The following DNAI1 variants were observed in gnomAD, a reference collection of about 807,000 sequenced individuals.
The protein encoded by DNAI1 is dynein, axonemal, intermediate polypeptide 1.
Under a neutral mutation model 92.0 loss-of-function variants are expected in DNAI1, and 67 were observed. That is an observed-to-expected ratio of 0.73 (90% CI 0.60 to 0.89). The LOEUF is 0.89. DNAI1 is among the 40% of genes least tolerant of loss of function. The pLI, the probability that DNAI1 is intolerant of heterozygous loss-of-function variation, is 0.00. For missense variants in DNAI1, 839 were observed against 866.6 expected (o/e 0.97, Z 0.40); for synonymous variants, 323 against 319.6 (o/e 1.01, Z -0.11).
chr9:34,518,550 C>T (rs72735258), intron 19 of DNAI1, among the ~76,000 whole-genome samples: 9,367 of 152,270 alleles, frequency 0.062, 384 homozygotes, highest in South Asian at 0.095. Context: ...GGGAGGGAGT[C>T]GGGCGTGGTC....
chr9:34,518,215 A>T (rs1439458107), intron 19 of DNAI1, among the ~76,000 whole-genome samples: 37 of 152,210 alleles, frequency 2.4e-4, no homozygotes. Flanking sequence ...CTGGGCCAGG[A>T]TCAGGACTGG....
At chr9:34,499,829 C>G (rs901212470) in intron 10 of DNAI1, among the ~76,000 whole-genome samples, 2 of 152,124 alleles carry the variant, frequency 1.3e-5, no homozygotes, top group African/African-American at 4.8e-5. Flanking sequence ...TGGATCTCCT[C>G]TTGGTTTAAT....
At chr9:34,512,784 C>G (rs190178983) in intron 15 of DNAI1, among the ~76,000 whole-genome samples, 1 of 152,202 alleles carries the variant, frequency 6.6e-6, no homozygotes, top group East Asian at 1.9e-4. Flanking sequence ...TGGCACAGAC[C>G]GTGTCCCTGT....
chr9:34,482,792 G>T (rs1431052286), intron 1 of DNAI1, among the ~76,000 whole-genome samples: 1 of 152,258 alleles, frequency 6.6e-6, no homozygotes, highest in Non-Finnish European at 1.5e-5. Context: ...TGGTCGATGG[G>T]ACTGGGCGCC....
chr9:34,468,480 C>T (rs867371721), intron 1 of DNAI1, among the ~76,000 whole-genome samples: 2 of 151,612 alleles, frequency 1.3e-5, no homozygotes, highest in African/African-American at 2.4e-5. Flanking sequence ...TGAGCCACCA[C>T]GCCCGGCCAA....
At chr9:34,511,543 A>AGAACCT (rs1825064900) in intron 13 of DNAI1, among the ~76,000 whole-genome samples, 1 of 152,212 alleles carries the variant, frequency 6.6e-6, no homozygotes, top group Non-Finnish European at 1.5e-5. Flanking sequence ...AGGCCCCTGC[A>AGAACCT]GAACCTTGGC....
At chr9:34,485,602 T>A in intron 4 of DNAI1, 85 bp downstream of exon 4, 1 of 1,307,442 alleles carries the variant, frequency 7.6e-7, no homozygotes, top group Middle Eastern at 1.8e-4. Flanking sequence ...AGCCTCTCAG[T>A]AATTCTAGAG....
At chr9:34,489,798 G>A (rs375301733) in intron 5 of DNAI1, among the ~76,000 whole-genome samples, 96 of 152,138 alleles carry the variant, frequency 6.3e-4, no homozygotes, top group African/African-American at 2.2e-3. Flanking sequence ...GCAGTGAGCC[G>A]AGATTGTGCC....
At chr9:34,471,930 T>C (rs1824143764) in intron 1 of DNAI1, among the ~76,000 whole-genome samples, 1 of 152,182 alleles carries the variant, frequency 6.6e-6, no homozygotes, top group Non-Finnish European at 1.5e-5. Context: ...TACTCCAAAA[T>C]GTCTAGTAAA....
rs750045804 is a variant in DNAI1 at position 34,459,030 on chromosome 9, C to T, written c.25C>T (p.Pro9Ser). MIPASAKAPHKQPHKQSIS... is the reference protein window; with the variant it reads MIPASAKASHKQPHKQSIS... Reference sequence around the variant, plus strand: ...GATGATTCCTGCTTCTGCGAAGGCTCCCCATAAACAGCCTCATAAGCAGGT... The same window carrying T: ...GATGATTCCTGCTTCTGCGAAGGCTTCCCATAAACAGCCTCATAAGCAGGT... Residue 9 changes from proline to serine, a missense_variant, in exon 1 of 20, where the codon CCC (proline) becomes TCC (serine). Transcript: ENST00000242317. The T allele has an allele frequency of 6.2e-7, 1 of 1,614,142 alleles. No individual in the cohort carries two copies. The highest frequency in any genetic ancestry group is 1.3e-5 in the African/African-American group (1 of 75,048).
chr9:34,506,612 A>G lies in DNAI1; in HGVS notation c.1064-15A>G. 1 of 1,614,102 alleles carries G rather than the reference A, an allele frequency of 6.2e-7. No homozygotes were observed. The highest frequency in any genetic ancestry group is 8.5e-7 in the Non-Finnish European group (1 of 1,180,004). On this transcript the variant is annotated splice_polypyrimidine_tract_variant and intron_variant, in intron 12 of 19. Coordinates refer to ENST00000242317, the MANE Select transcript of DNAI1 (RefSeq NM_012144.4). Reference sequence around the variant, plus strand: ...TTGGATCCTCCAACCTCAGCCGCCCATCTTCCCTGGGTAGATGACTTCATG... The same window carrying G: ...TTGGATCCTCCAACCTCAGCCGCCCGTCTTCCCTGGGTAGATGACTTCATG...
At chr9:34,512,490 A>G in intron 15 of DNAI1, 66 bp downstream of exon 15, 1 of 1,475,016 alleles carries the variant, frequency 6.8e-7, no homozygotes, top group East Asian at 2.3e-5. Flanking sequence ...AGGGTCAGTG[A>G]CAGTGGTCCT....
intron 1 of DNAI1, among the ~76,000 whole-genome samples, chr9:34,481,633 G>A (rs554234402): frequency 2.6e-5 from 4 of 152,282 alleles, no homozygotes; most frequent in South Asian, 2.1e-4. Context: ...GATGTGTTCC[G>A]AGTTTCTTCC....
intron 4 of DNAI1, among the ~76,000 whole-genome samples, chr9:34,486,013 AGGGC>A (rs1824461572): frequency 1.3e-5 from 2 of 152,028 alleles, no homozygotes; most frequent in Non-Finnish European, 2.9e-5. Context: ...TGACCTCCTC[AGGGC>A]CCTCCTTTAG....
chr9:34,481,368 G>A (rs1447192478), intron 1 of DNAI1, among the ~76,000 whole-genome samples: 1 of 152,184 alleles, frequency 6.6e-6, no homozygotes, highest in Non-Finnish European at 1.5e-5. Flanking sequence ...AAGTTACTTG[G>A]TCGTGATCTT....
intron 12 of DNAI1, among the ~76,000 whole-genome samples, chr9:34,505,453 C>T (rs1824907696): frequency 6.6e-6 from 1 of 152,240 alleles, no homozygotes; most frequent in East Asian, 1.9e-4. Flanking sequence ...ATCTCAATGT[C>T]TTTCACTTAA....
chr9:34,478,828 C>T (rs1156971447), intron 1 of DNAI1: 30 of 152,262 alleles, frequency 2.0e-4, no homozygotes, highest in Non-Finnish European at 2.9e-5. Context: ...CCTATGTGTA[C>T]TGCAGTGTGA....
chr9:34,512,445 A>G (rs535867388), intron 15 of DNAI1, 21 bp downstream of exon 15: 10 of 1,611,462 alleles, frequency 6.2e-6, no homozygotes, highest in African/African-American at 5.3e-5. Flanking sequence ...CAGCCCTCTC[A>G]CCTCCAGGCC....
At chr9:34,471,377 A>G (rs1008747767) in intron 1 of DNAI1, among the ~76,000 whole-genome samples, 6 of 150,568 alleles carry the variant, frequency 4.0e-5, no homozygotes, top group Non-Finnish European at 7.4e-5. Context: ...GTGAGCCATG[A>G]TTGTGCCACT....
Sources: gnomAD v4.1 joint callset for allele counts (sites outside exome capture counted in the v4.1 genomes callset) on GRCh38, gnomAD v4.1.1 for gene constraint, MANE v1.5 for transcripts, NCBI Gene and HGNC (gene_info 2026-07-23, HGNC 2026-07-21) for gene names.